Variants in ADCK5 observed in about 807,000 individuals in gnomAD.
The protein encoded by ADCK5 is uncharacterized aarF domain-containing protein kinase 5.
ADCK5 carries 43 observed loss-of-function variants against 64.9 expected under a neutral mutation model. The observed-to-expected ratio is 0.66, with a 90% CI of 0.52 to 0.85. The LOEUF is 0.85. Among genes scored for constraint, ADCK5 ranks in the 40% least tolerant of loss-of-function variants. The pLI is 0.00. For synonymous variants in ADCK5, 434 were observed against 342.8 expected (o/e 1.27, Z -2.94); for missense variants, 760 against 810.5 (o/e 0.94, Z 0.76).
At chr8:144,381,776 C>A (rs372594638) in intron 2 of ADCK5, among the ~76,000 whole-genome samples, 30,166 of 36,102 alleles carry the variant, frequency 0.84, 14,047 homozygotes, top group African/African-American at 0.87. Flanking sequence ...GTGCTCAGGC[C>A]CCTGCTGCAC....
intron 2 of ADCK5, among the ~76,000 whole-genome samples, chr8:144,382,797 C>T (rs1403718532): frequency 6.6e-6 from 1 of 152,224 alleles, no homozygotes; most frequent in Non-Finnish European, 1.5e-5. Context: ...CTTCCTTTAC[C>T]TGAGGAGCCA....
intron 1 of ADCK5, among the ~76,000 whole-genome samples, chr8:144,375,823 A>G (rs1406405017): frequency 6.6e-6 from 1 of 152,190 alleles, no homozygotes; most frequent in Non-Finnish European, 1.5e-5. Context: ...TTTGGAAGTC[A>G]GGGGAGCTGC....
At position 144,391,839 on chromosome 8, in the gene ADCK5, C is replaced by T; in HGVS notation, c.987C>T (p.Ile329=). Reference sequence around the variant, plus strand: ...GCAAGGTCAACGATGTGGAGGCCATCAGGAGCCAGGGGCTGGCAGTGCATG... The same window carrying T: ...GCAAGGTCAACGATGTGGAGGCCATTAGGAGCCAGGGGCTGGCAGTGCATG... ...AGCKVNDVEA[I]RSQGLAVHDI... is the part of the protein sequence containing the mutation. The change falls in exon 9 of 15, where the codon ATC becomes ATT. Residue 329 remains isoleucine (I), a synonymous_variant. Transcript: ENST00000308860. 1 of 1,508,020 alleles carries T rather than the reference C, an allele frequency of 6.6e-7. No individual in the cohort carries two copies. The highest frequency in any genetic ancestry group is 8.8e-7 in the Non-Finnish European group (1 of 1,132,518). 93.4% of individuals were successfully genotyped at this position (1,508,020 alleles called of 1,614,324 possible). A position where few individuals can be genotyped will look rare whatever the true frequency, so the allele number is the denominator to read the frequency against.
rs1820419470 is a variant in ADCK5, at chr8:144,393,184, G to GTGAC, written c.*111_*114dup. 3 of 1,348,156 alleles carry GTGAC rather than the reference G, an allele frequency of 2.2e-6. No individual in the cohort carries two copies. The African/African-American group carries it at 4.4e-5, about 20-fold the overall frequency. The allele number at this position is 1,348,156 out of a possible 1,614,324, so 83.5% of individuals were successfully genotyped here. On this transcript the variant is annotated 3_prime_UTR_variant, in exon 15 of 15. Coordinates refer to ENST00000308860, the MANE Select transcript of ADCK5 (RefSeq NM_174922.5). Reference sequence around the variant, plus strand: ...CCGTGGGCACTCGCACTGGGGGGCTGTGACAGCAGCTGGGCCAGGAGGCCG... The same window carrying GTGAC: ...CCGTGGGCACTCGCACTGGGGGGCTGTGACTGACAGCAGCTGGGCCAGGAGGCCG...
rs554086624 is a variant in ADCK5 at position 144,379,446 on chromosome 8, C to T, written c.72C>T (p.Ser24=). The part of the protein sequence containing the change: ...LLHSRQKPWP[S]PAVFFRRNVR... ...ACAGCAGGCAGAAGCCCTGGCCGTC[C>T]CCTGCTGTGTTCTTCAGGAGAAACG... Residue 24 remains serine (S), a synonymous_variant, in exon 2 of 15, where the codon TCC becomes TCT. Coordinates refer to ENST00000308860, the MANE Select transcript of ADCK5 (RefSeq NM_174922.5). 1.9e-6 allele frequency: 3 copies of T among 1,610,422 alleles called. No individual in the cohort carries two copies. Among genetic ancestry groups the T allele is most frequent in the African/African-American group, 2.7e-5 (2 of 74,954 alleles).
At chr8:144,392,214 G>A in intron 11 of ADCK5, 40 bp from the exon 12 acceptor site, 2 of 1,547,540 alleles carry the variant, frequency 1.3e-6, no homozygotes, top group South Asian at 1.2e-5. Flanking sequence ...AGCCTCTCCT[G>A]CCGCAGGGAG....
intron 2 of ADCK5, among the ~76,000 whole-genome samples, chr8:144,382,072 G>A (rs1244137304): frequency 2.6e-4 from 36 of 136,718 alleles, no homozygotes; most frequent in African/African-American, 1.0e-3. Flanking sequence ...ATTATGGGCC[G>A]GGTGTAGAAA....
In ADCK5 at chr8:144,391,693, C is replaced by G; in HGVS notation, c.912C>G (p.His304Gln). The G allele has an allele frequency of 1.9e-6, 3 of 1,540,544 alleles. No individual in the cohort carries two copies. The highest frequency in any genetic ancestry group is 2.4e-5 in the East Asian group (1 of 41,022). ...CCTACGTCGTGGTGCCCCGCGTGCA[C>G]TGGGACAAGTCCAGCAAGGTGGGCT... The part of the protein sequence containing the change: ...HFPYVVVPRV[H>Q]WDKSSKRVLT... The change falls in exon 8 of 15, where the codon CAC becomes CAG. Residue 304 changes from histidine to glutamine, a missense_variant. By Grantham distance (24) the His-to-Gln change is conservative. Around this residue, in one of 2 missense-constraint regions of ADCK5, gnomAD observed 427 missense variants for 518.4 expected, o/e 0.82. Coordinates refer to ENST00000308860, the MANE Select transcript of ADCK5 (RefSeq NM_174922.5).
At chr8:144,373,756 C>T, upstream of ADCK5, 1 of 311,650 alleles carries the variant, frequency 3.2e-6, no homozygotes, top group East Asian at 5.0e-5. Flanking sequence ...CCTCAGGAAG[C>T]CCTCAGCCCT....
At chr8:144,388,087 GGCAATGTGAAAT>G (rs1820001138) in intron 3 of ADCK5, among the ~76,000 whole-genome samples, 1 of 152,046 alleles carries the variant, frequency 6.6e-6, no homozygotes, top group Non-Finnish European at 1.5e-5. Flanking sequence ...TGCTCTGTGA[GGCAATGTGAAAT>G]GCAATGTGAA....
intron 3 of ADCK5, 105 bp downstream of exon 3, chr8:144,383,335 T>C (rs1819764779): frequency 7.1e-7 from 1 of 1,404,408 alleles, no homozygotes; most frequent in Admixed American, 2.9e-5. Flanking sequence ...GGCGTGAGCC[T>C]GGGAGGCCTG....
chr8:144,379,975 C>A (rs1819530064), intron 2 of ADCK5, among the ~76,000 whole-genome samples: 1 of 152,228 alleles, frequency 6.6e-6, no homozygotes, highest in African/African-American at 2.4e-5. Context: ...TGTGGCCAGG[C>A]AGGGCAGGCA....
chr8:144,390,866 G>A lies in ADCK5; in HGVS notation c.353G>A (p.Gly118Asp), dbSNP rs148583297. The A allele has an allele frequency of 6.2e-7, 1 of 1,612,966 alleles. No individual in the cohort carries two copies. Among genetic ancestry groups the A allele is most frequent in the African/African-American group, 1.3e-5 (1 of 75,058 alleles). ...CATGCCTGTGGTCAGAACAGCCCAGGCTACTTGGAGGTGATGTCTGCGTGT... is the reference window on the plus strand; with the variant it reads ...CATGCCTGTGGTCAGAACAGCCCAGACTACTTGGAGGTGATGTCTGCGTGT... ...VLRGVEENSP[G>D]YLEVMSACHQ... The change falls in exon 5 of 15, where the codon GGC (glycine) becomes GAC (aspartate). Residue 118 changes from glycine to aspartate, a missense_variant. Physicochemically the swap from Gly to Asp is moderately conservative, Grantham distance 94 (BLOSUM62 -1). Around this residue, in one of 2 missense-constraint regions of ADCK5, gnomAD observed 427 missense variants for 518.4 expected, o/e 0.82. Coordinates refer to ENST00000308860, the MANE Select transcript of ADCK5 (RefSeq NM_174922.5).
At chr8:144,375,518 C>A (rs1586571722) in intron 1 of ADCK5, 1 of 985,468 alleles carries the variant, frequency 1.0e-6, no homozygotes, top group Non-Finnish European at 1.2e-6. Flanking sequence ...TGCGGCCGGG[C>A]CTGTCTGTGG....
chr8:144,381,123 C>T (rs1373036260), intron 2 of ADCK5, among the ~76,000 whole-genome samples: 6 of 145,552 alleles, frequency 4.1e-5, no homozygotes, highest in African/African-American at 1.5e-4. Flanking sequence ...GATGTGTGCT[C>T]AGGCACCTGC....
At chr8:144,388,697 G>A (rs998034860) in intron 3 of ADCK5, among the ~76,000 whole-genome samples, 2 of 151,922 alleles carry the variant, frequency 1.3e-5, no homozygotes, top group Non-Finnish European at 2.9e-5. Flanking sequence ...CCTGGGAGGC[G>A]GAGCCTGCAG....
chr8:144,390,556 TGG>T, intron 3 of ADCK5, 113 bp from the exon 4 acceptor site: 1 of 1,143,020 alleles, frequency 8.7e-7, no homozygotes, highest in Non-Finnish European at 1.3e-6. Flanking sequence ...GCCTCACCCT[TGG>T]GACATGAAGG....
At chr8:144,373,869 G>A (rs1309284781), upstream of ADCK5, 4 of 397,048 alleles carry the variant, frequency 1.0e-5, no homozygotes, top group East Asian at 1.2e-4. Flanking sequence ...CCGCTCTCAG[G>A]AGGCGCGGTC....
intron 2 of ADCK5, among the ~76,000 whole-genome samples, chr8:144,381,380 A>T (rs201658439): frequency 2.1e-5 from 3 of 141,076 alleles, no homozygotes; most frequent in African/African-American, 8.1e-5. Context: ...GGGTGTAGAA[A>T]CAGATGTGTG....
Sources: allele counts gnomAD v4.1 joint callset (sites outside exome capture counted in the v4.1 genomes callset), GRCh38; gene constraint gnomAD v4.1.1; regional missense constraint gnomAD v4.1.1; transcripts MANE v1.5; gene names NCBI Gene and HGNC (gene_info 2026-07-23, HGNC 2026-07-21).